The following ASB11 variants were observed in gnomAD, a reference collection of about 807,000 sequenced individuals.
ASB11 encodes the protein ankyrin repeat and SOCS box protein 11.
In ASB11, 17 loss-of-function variants were observed where a neutral mutation model predicts 20.1. That is an observed-to-expected ratio of 0.85 (90% CI 0.58 to 1.27). The LOEUF (loss-of-function observed/expected upper bound fraction) is 1.27, where lower values mean the gene tolerates loss of function less well. Ranked by LOEUF, ASB11 falls within the 50% of genes most tolerant of loss-of-function variation. The probability of loss-of-function intolerance (pLI) is 0.00; values close to 1 mark genes in which losing one functional copy is unlikely to be tolerated. For missense variants in ASB11, 259 were observed against 256.9 expected (o/e 1.01, Z -0.06); for synonymous variants, 107 against 105.6 (o/e 1.01, Z -0.08).
At chrX:15,309,991 A>AAAAAAAAAAAC (rs1555942034) in intron 1 of ASB11, among the ~76,000 whole-genome samples, 1 of 103,528 alleles carries the variant, frequency 9.7e-6, no homozygotes, top group African/African-American at 3.5e-5. Flanking sequence ...AAAAAAAAAA[A>AAAAAAAAAAAC]GTAGAAGTCC....
intron 2 of ASB11, 22 bp downstream of exon 2, chrX:15,302,706 A>T (rs968463979): frequency 8.5e-7 from 1 of 1,170,863 alleles, no homozygotes; most frequent in Middle Eastern, 2.4e-4. Flanking sequence ...AGCATGAAGG[A>T]TCAAGTCTTC....
chrX:15,300,125 C>T (rs1327482899), intron 2 of ASB11, among the ~76,000 whole-genome samples: 5 of 112,238 alleles, frequency 4.5e-5, no homozygotes, highest in African/African-American at 6.5e-5. Flanking sequence ...TAAGAAAAAA[C>T]AGACTAGTCC....
intron 5 of ASB11, 147 bp downstream of exon 5, chrX:15,289,357 C>A: frequency 1.8e-6 from 1 of 569,766 alleles, no homozygotes; most frequent in East Asian, 3.8e-5. Flanking sequence ...TACAGACACT[C>A]ATTTCTCTAG....
intron 3 of ASB11, among the ~76,000 whole-genome samples, chrX:15,296,117 C>T (rs759066460): frequency 1.1e-4 from 12 of 111,313 alleles, no homozygotes; most frequent in African/African-American, 3.9e-4. Context: ...GACGTGGTGG[C>T]GGGCACCTGT....
chrX:15,285,974 C>T (rs1041192145), intron 6 of ASB11, among the ~76,000 whole-genome samples: 1 of 110,736 alleles, frequency 9.0e-6, no homozygotes, highest in Non-Finnish European at 1.9e-5. Context: ...CACTGCACTC[C>T]AGCCTGGGCA....
chrX:15,302,604 T>A lies in ASB11; in HGVS notation c.261+124A>T, dbSNP rs1003823965. On this transcript the variant is annotated intron_variant, in intron 2 of 6. Transcript: ENST00000480796. Reference sequence around the variant, plus strand: ...GCAGTGAGGTATGAGAGGACATACGTGCCTCGAATGGCAATGGTGGGACCT... The same window carrying A: ...GCAGTGAGGTATGAGAGGACATACGAGCCTCGAATGGCAATGGTGGGACCT... 1.5e-5 allele frequency: 9 copies of A among 614,979 alleles called. No individual in the cohort carries two copies. The African/African-American group carries it at 2.0e-4, about 14-fold the overall frequency. 50.7% of individuals were successfully genotyped at this position (614,979 alleles called of 1,213,427 possible).
At chrX:15,304,330 C>T (rs908006044) in intron 1 of ASB11, among the ~76,000 whole-genome samples, 2 of 112,546 alleles carry the variant, frequency 1.8e-5, no homozygotes, top group Non-Finnish European at 3.8e-5. Flanking sequence ...ACTTCTCTCA[C>T]CCTTTGGGTT....
At chrX:15,301,532 GA>G (rs903415954) in intron 2 of ASB11, among the ~76,000 whole-genome samples, 3 of 110,159 alleles carry the variant, frequency 2.7e-5, no homozygotes, top group African/African-American at 1.0e-4. Flanking sequence ...GAGAGACAGA[GA>G]GAGAGAGAGA....
intron 4 of ASB11, chrX:15,290,002 C>G (rs1003561432): frequency 2.3e-5 from 3 of 132,795 alleles, no homozygotes; most frequent in Non-Finnish European, 4.5e-5. Flanking sequence ...CCAGCCTGGC[C>G]GACAAAGCGA....
At chrX:15,284,068 C>A (rs12006793) in intron 6 of ASB11, among the ~76,000 whole-genome samples, 1 of 105,256 alleles carries the variant, frequency 9.5e-6, no homozygotes, top group African/African-American at 3.6e-5. Context: ...CTGGCTAACA[C>A]GGTGAAACCC....
chrX:15,293,349 G>T (rs369699016), intron 3 of ASB11, 29 bp from the exon 4 acceptor site: 1 of 1,178,875 alleles, frequency 8.5e-7, no homozygotes, highest in East Asian at 3.0e-5. Context: ...AGACCCAAAG[G>T]ATTTGTTATT....
chrX:15,306,258 A>G (rs1433051509), intron 1 of ASB11, among the ~76,000 whole-genome samples: 1 of 112,572 alleles, frequency 8.9e-6, no homozygotes, highest in Non-Finnish European at 1.9e-5. Context: ...CTTATAACAG[A>G]ACAATTCATA....
intron 1 of ASB11, among the ~76,000 whole-genome samples, chrX:15,305,280 G>A (rs779310499): frequency 8.9e-6 from 1 of 111,767 alleles, no homozygotes; most frequent in Admixed American, 9.6e-5. Context: ...ACACACCACC[G>A]CTTCTGTGAT....
chrX:15,285,140 CT>C (rs767822616), intron 6 of ASB11, among the ~76,000 whole-genome samples: 10,710 of 81,343 alleles, frequency 0.13, 619 homozygotes, highest in Non-Finnish European at 0.17. Flanking sequence ...TTTAATCTTT[CT>C]TTTTTTTTTT....
chrX:15,283,389 C>T lies in ASB11; in HGVS notation c.*116G>A. On this transcript the variant is annotated 3_prime_UTR_variant, in exon 7 of 7. Transcript: ENST00000480796. ...CTAGCTCATGGGGGATTTACTTCGA[C>T]TGAGCTCATTTAAAGATACTAGGAG... 1 of 998,685 alleles carries T rather than the reference C, an allele frequency of 1.0e-6. No homozygotes were observed. The highest frequency in any genetic ancestry group is 2.3e-5 in the Admixed American group (1 of 43,216). The allele number at this position is 998,685 out of a possible 1,213,427, so 82.3% of individuals were successfully genotyped here.
intron 2 of ASB11, among the ~76,000 whole-genome samples, chrX:15,301,020 G>A (rs1271018137): frequency 1.8e-5 from 2 of 111,248 alleles, no homozygotes; most frequent in African/African-American, 3.3e-5. Context: ...GGAGTGAAGT[G>A]ACGCGATCTC....
chrX:15,296,267 GAAA>G (rs58628495), intron 3 of ASB11, among the ~76,000 whole-genome samples: 1 of 87,822 alleles, frequency 1.1e-5, no homozygotes, highest in Non-Finnish European at 2.3e-5. Flanking sequence ...TAAAAAGATG[GAAA>G]AAAAAAAAAC....
chrX:15,304,389 T>G (rs919713607), intron 1 of ASB11, among the ~76,000 whole-genome samples: 1 of 112,494 alleles, frequency 8.9e-6, no homozygotes, highest in African/African-American at 3.2e-5. Context: ...GGATTGATAT[T>G]GGAGCAATTA....
Position 15,302,802 on chromosome X carries a change from A to C in ASB11, c.187T>G (p.Trp63Gly). The C allele has an allele frequency of 8.3e-7, 1 of 1,209,736 alleles. No individual in the cohort carries two copies. Among genetic ancestry groups the C allele is most frequent in the Non-Finnish European group, 1.1e-6 (1 of 894,049 alleles). Reference sequence around the variant, plus strand: ...TCATGAAGTGGGGATCGATCAGCCCAGCAATCTGAAACACAAATCAAGCTC... The same window carrying C: ...TCATGAAGTGGGGATCGATCAGCCCCGCAATCTGAAACACAAATCAAGCTC... ...EEIYGGISDC[W>G]ADRSPLHEAA... The change falls in exon 2 of 7, where the codon TGG (tryptophan) becomes GGG (glycine). Residue 63 changes from tryptophan to glycine, a missense_variant. Transcript: ENST00000480796.
Sources: gnomAD v4.1 joint callset for allele counts (sites outside exome capture counted in the v4.1 genomes callset) on GRCh38, gnomAD v4.1.1 for gene constraint, MANE v1.5 for transcripts, NCBI Gene and HGNC (gene_info 2026-07-23, HGNC 2026-07-21) for gene names.